Variants in TSNAXIP1 observed in about 807,000 individuals in gnomAD.
TSNAXIP1 encodes the protein translin-associated factor X-interacting protein 1.
TSNAXIP1 carries 89 observed loss-of-function variants against 84.8 expected under a neutral mutation model. That is an observed-to-expected ratio of 1.05 (90% confidence interval 0.88 to 1.25). TSNAXIP1 has a LOEUF of 1.25. Among genes scored for constraint, TSNAXIP1 ranks in the 50% most tolerant of loss-of-function variants. The pLI, the probability that TSNAXIP1 is intolerant of heterozygous loss-of-function variation, is 0.00. For missense variants in TSNAXIP1, 874 were observed against 887.6 expected (o/e 0.98, Z 0.20); for synonymous variants, 347 against 335.2 (o/e 1.04, Z -0.39).
chr16:67,814,783 G>A (rs535270328), intron 2 of TSNAXIP1, among the ~76,000 whole-genome samples: 1 of 152,186 alleles, frequency 6.6e-6, no homozygotes, highest in South Asian at 2.1e-4. Flanking sequence ...ATCTGCCAAG[G>A]TCCTTCATGG....
intron 2 of TSNAXIP1, among the ~76,000 whole-genome samples, chr16:67,818,697 C>A (rs556814670): frequency 6.6e-6 from 1 of 151,730 alleles, no homozygotes; most frequent in East Asian, 1.9e-4. Context: ...ATAGTGAGAC[C>A]CCATCCTTTT....
At chr16:67,824,923 C>T in intron 6 of TSNAXIP1, 144 bp downstream of exon 6, 2 of 1,112,452 alleles carry the variant, frequency 1.8e-6, no homozygotes, top group Non-Finnish European at 2.6e-6. Flanking sequence ...CTAACTCCAC[C>T]CTCTGCCCTG....
intron 2 of TSNAXIP1, among the ~76,000 whole-genome samples, chr16:67,819,210 T>C (rs1299532579): frequency 6.6e-6 from 1 of 151,360 alleles, no homozygotes; most frequent in Admixed American, 6.6e-5. Flanking sequence ...CATATAAACA[T>C]ACATACATAA....
chr16:67,825,374 C>T, intron 7 of TSNAXIP1, 102 bp downstream of exon 7: 1 of 1,479,970 alleles, frequency 6.8e-7, no homozygotes, highest in South Asian at 1.3e-5. Flanking sequence ...AAGACCTGCT[C>T]ATTCCATAAC....
At chr16:67,819,018 T>C (rs1305873742) in intron 2 of TSNAXIP1, among the ~76,000 whole-genome samples, 5 of 151,684 alleles carry the variant, frequency 3.3e-5, no homozygotes. Context: ...TTGTAATCTC[T>C]ACTAAAAATA....
Position 67,823,693 on chromosome 16 carries a change from T to G in TSNAXIP1, c.455T>G (p.Ile152Ser), listed in dbSNP as rs761525224. ...ACGTACAAGCCATTACTATCCTCCA[T>G]CAAGAATGCGTATGAGGGGATGCTG... ...FKTYKPLLSSIKNAYEGMLAH... is the reference protein window; with the variant it reads ...FKTYKPLLSSSKNAYEGMLAH... The change falls in exon 5 of 16, where the codon ATC becomes AGC. Residue 152 changes from isoleucine (I) to serine (S), a missense_variant. Physicochemically the swap from Ile to Ser is moderately radical, Grantham distance 142 (BLOSUM62 -2). Coordinates refer to ENST00000561639, the MANE Select transcript of TSNAXIP1 (RefSeq NM_001288990.3). 1 of 1,613,288 alleles carries G rather than the reference T, an allele frequency of 6.2e-7. No individual in the cohort carries two copies. The highest frequency in any genetic ancestry group is 1.1e-5 in the South Asian group (1 of 91,050).
intron 1 of TSNAXIP1, among the ~76,000 whole-genome samples, chr16:67,810,078 C>T (rs534531052): frequency 1.3e-5 from 2 of 152,310 alleles, no homozygotes; most frequent in East Asian, 3.9e-4. Context: ...TGGATGTCCT[C>T]ATCCTTTCCC....
In TSNAXIP1 at chr16:67,825,669, A is replaced by G. The variant is rs772472791; in HGVS notation, c.817A>G (p.Ile273Val). Residue 273 changes from isoleucine (I) to valine (V), a missense_variant and splice_region_variant, in exon 8 of 16, where the codon ATC (isoleucine) becomes GTC (valine). Coordinates refer to ENST00000561639, the MANE Select transcript of TSNAXIP1 (RefSeq NM_001288990.3). ...EDMSLAQSPG[I>V]WGEDPVKLTL... ...TGGTGGGCCCCTTCCCCTGGCAGGC[A>G]TCTGGGGGGAGGACCCTGTGAAGTT... is the stretch of plus-strand genomic sequence containing the variant. 67 of 1,609,962 alleles carry G rather than the reference A, an allele frequency of 4.2e-5. No homozygotes were observed. Among genetic ancestry groups the G allele is most frequent in the Non-Finnish European group, 5.6e-5 (66 of 1,177,052 alleles).
In TSNAXIP1 at chr16:67,824,743, C is replaced by G. The variant is rs776374180; in HGVS notation, c.642C>G (p.Asp214Glu). ...KEKMNLLKLI[D>E]KKNEEKISLQ... ...AGATGAACTTGCTAAAACTCATCGA[C>G]AAAAAGAATGAGGAGAAGATTTCAT... Residue 214 changes from aspartate (D) to glutamate (E), a missense_variant, in exon 6 of 16, where the codon GAC becomes GAG. Coordinates refer to ENST00000561639, the MANE Select transcript of TSNAXIP1 (RefSeq NM_001288990.3). The G allele has an allele frequency of 3.1e-6, 5 of 1,613,900 alleles. No homozygotes were observed. In the East Asian group the frequency reaches 1.1e-4, roughly 36 times the overall value.
chr16:67,823,595 TAGG>T (rs1257532406), intron 4 of TSNAXIP1, 28 bp from the exon 5 acceptor site: 7 of 1,582,730 alleles, frequency 4.4e-6, no homozygotes, highest in East Asian at 4.5e-5. Context: ...AGCTGTGGGC[TAGG>T]AGATGATGGG....
intron 4 of TSNAXIP1, among the ~76,000 whole-genome samples, 160 bp from the exon 5 acceptor site, chr16:67,823,466 C>T (rs879190020): frequency 1.3e-5 from 2 of 152,030 alleles, no homozygotes; most frequent in Non-Finnish European, 2.9e-5. Flanking sequence ...TCACTTGAAC[C>T]TGGGAGGCAG....
intron 5 of TSNAXIP1, among the ~76,000 whole-genome samples, 168 bp downstream of exon 5, chr16:67,823,887 C>T (rs1022052985): frequency 2.6e-5 from 4 of 151,750 alleles, no homozygotes; most frequent in Non-Finnish European, 4.4e-5. Context: ...CGCATGGTGG[C>T]ACACACCTGT....
chr16:67,821,058 C>A, intron 3 of TSNAXIP1, 41 bp from the exon 4 acceptor site: 1 of 1,611,684 alleles, frequency 6.2e-7, no homozygotes, highest in Non-Finnish European at 8.5e-7. Context: ...ACAAGGGCCC[C>A]GTGGGGGTGC....
chr16:67,825,315 G>T (rs777050957), intron 7 of TSNAXIP1, 43 bp downstream of exon 7: 3 of 1,609,156 alleles, frequency 1.9e-6, no homozygotes, highest in South Asian at 2.2e-5. Context: ...TCTCTGAGAC[G>T]CTGGAAGACT....
chr16:67,808,759 G>GGAAAAA (rs2055739997), intron 1 of TSNAXIP1, among the ~76,000 whole-genome samples: 2 of 150,218 alleles, frequency 1.3e-5, no homozygotes, highest in African/African-American at 4.9e-5. Flanking sequence ...AAAGAAAAAA[G>GGAAAAA]AAAAAAAAGG....
At position 67,823,697 on chromosome 16, in the gene TSNAXIP1, G is replaced by GA; in HGVS notation, c.461dup (p.Asn154LysfsTer4). ...ACAAGCCATTACTATCCTCCATCAA[G>GA]AATGCGTATGAGGGGATGCTGGGTA... On this transcript the variant is annotated frameshift_variant, in exon 5 of 16. Coordinates refer to ENST00000561639, the MANE Select transcript of TSNAXIP1 (RefSeq NM_001288990.3). LOFTEE classifies it high-confidence loss of function. 1 of 1,613,262 alleles carries GA rather than the reference G, an allele frequency of 6.2e-7. No individual in the cohort carries two copies. Among genetic ancestry groups the GA allele is most frequent in the Non-Finnish European group, 8.5e-7 (1 of 1,179,580 alleles).
At position 67,818,965 on chromosome 16, in the gene TSNAXIP1, A is replaced by G. The variant is rs559012827; in HGVS notation, c.148-1874A>G. On this transcript the variant is annotated intron_variant, in intron 2 of 15. Coordinates refer to ENST00000561639, the MANE Select transcript of TSNAXIP1 (RefSeq NM_001288990.3). ...GTTATCCGCTTGCCTCCGCCTCCCAAAGTGCTGGGAATCAGGCGTGAGCTG... is the reference window on the plus strand; with the variant it reads ...GTTATCCGCTTGCCTCCGCCTCCCAGAGTGCTGGGAATCAGGCGTGAGCTG... Among the ~76,000 whole-genome samples, 3 of 151,952 alleles carry G rather than the reference A, an allele frequency of 2.0e-5. No individual in the cohort carries two copies. In the South Asian group the frequency reaches 6.2e-4, roughly 32 times the overall value.
intron 1 of TSNAXIP1, among the ~76,000 whole-genome samples, chr16:67,810,694 TC>T (rs2055976391): frequency 1.3e-5 from 2 of 152,074 alleles, no homozygotes; most frequent in South Asian, 4.1e-4. Context: ...TGTTTCCCAT[TC>T]CCCTCTGAGG....
intron 13 of TSNAXIP1, 35 bp from the exon 14 acceptor site, chr16:67,827,214 G>A: frequency 1.2e-6 from 2 of 1,613,352 alleles, no homozygotes; most frequent in Non-Finnish European, 1.7e-6. Flanking sequence ...GCAGGCCTCA[G>A]CAGGTCCCTG....
Sources: gnomAD v4.1 joint callset for allele counts (sites outside exome capture counted in the v4.1 genomes callset) on GRCh38, gnomAD v4.1.1 for gene constraint, MANE v1.5 for transcripts, NCBI Gene and HGNC (gene_info 2026-07-23, HGNC 2026-07-21) for gene names.